The following CD58 variants were observed in gnomAD, a reference collection of about 807,000 sequenced individuals.
CD58 encodes the protein CD58 molecule.
Under a neutral mutation model 27.6 loss-of-function variants are expected in CD58, and 14 were observed. The observed-to-expected ratio is 0.51, with a 90% confidence interval of 0.34 to 0.79. The LOEUF is 0.79. Among genes scored for constraint, CD58 ranks in the 30% least tolerant of loss-of-function variants. The probability of loss-of-function intolerance (pLI) is 0.02; values close to 1 mark genes in which losing one functional copy is unlikely to be tolerated. For synonymous variants in CD58, 117 were observed against 103.8 expected, an observed-to-expected ratio of 1.13 and a Z score of -0.77; for missense variants, 268 against 301.7, an observed-to-expected ratio of 0.89 and a Z score of 0.83.
At chr1:116,530,003 T>C in intron 3 of CD58, among the ~76,000 whole-genome samples, 1 of 152,158 alleles carries the variant, frequency 6.6e-6, no homozygotes, top group East Asian at 1.9e-4. Flanking sequence ...ACTATGTATA[T>C]CTATATAGTA....
rs1657737335 is a variant in CD58, at chr1:116,534,820, G to C, written c.628+1145C>G. Among the ~76,000 whole-genome samples, 1 of 152,206 alleles carries C rather than the reference G, an allele frequency of 6.6e-6. No individual in the cohort carries two copies. The highest frequency in any genetic ancestry group is 2.1e-4 in the South Asian group (1 of 4,830). ...ATGGGAGACTTAGAATGGCTCACCA[G>C]TTAAAATCCAAGTTTCATATATTTC... On this transcript the variant is annotated intron_variant, in intron 3 of 5. Coordinates refer to ENST00000369489, the MANE Select transcript of CD58 (RefSeq NM_001779.3). This position sits in a 1 kb window ranked among gnomAD's most constrained non-coding sequence, Gnocchi z 5.3.
chr1:116,526,074 T>G (rs1571061114), intron 3 of CD58, among the ~76,000 whole-genome samples: 1 of 152,158 alleles, frequency 6.6e-6, no homozygotes, highest in Non-Finnish European at 1.5e-5. Flanking sequence ...TTTTAAAAGT[T>G]TTTTGTATAT....
rs1658589170 is a variant in CD58 at position 116,557,023 on chromosome 1, A to G, written c.71-12419T>C. Among the ~76,000 whole-genome samples, 1 of 152,264 alleles carries G rather than the reference A, an allele frequency of 6.6e-6. No homozygotes were observed. The highest frequency in any genetic ancestry group is 6.5e-5 in the Admixed American group (1 of 15,292). ...CAAATCTGAGCTTAGGGGTAACCCC[A>G]GCCAGGCTAGCCCTATCAGGACAAG... On this transcript the variant is annotated intron_variant, in intron 1 of 5. Transcript: ENST00000369489. This position sits in a 1 kb window ranked among gnomAD's most constrained non-coding sequence, Gnocchi z 5.2.
intron 1 of CD58, among the ~76,000 whole-genome samples, chr1:116,565,114 C>T (rs1400274640): frequency 1.3e-5 from 2 of 152,226 alleles, no homozygotes; most frequent in Admixed American, 6.5e-5. Context: ...CTTTTCTCTC[C>T]TCTACAGACT....
In CD58 at chr1:116,527,185, G is replaced by A. The variant is rs565255089; in HGVS notation, c.629-5202C>T. Reference sequence around the variant, plus strand: ...CTTTTATTTCCTTTTCTTGTCTTATGGCATTAGTTAGTGCTTATAGTACAA... The same window carrying A: ...CTTTTATTTCCTTTTCTTGTCTTATAGCATTAGTTAGTGCTTATAGTACAA... On this transcript the variant is annotated intron_variant, in intron 3 of 5. Transcript: ENST00000369489. The surrounding 1 kb of genome is among the most constrained non-coding windows in gnomAD (Gnocchi z 4.4). Among the ~76,000 whole-genome samples the A allele has an allele frequency of 2.0e-5, 3 of 152,074 alleles. No individual in the cohort carries two copies. Among genetic ancestry groups the A allele is most frequent in the African/African-American group, 7.2e-5 (3 of 41,476 alleles).
chr1:116,568,743 TG>T (rs1659027839), intron 1 of CD58, among the ~76,000 whole-genome samples: 1 of 152,232 alleles, frequency 6.6e-6, no homozygotes, highest in African/African-American at 2.4e-5. Context: ...TTCCCTCATG[TG>T]AGTGGTACTC....
intron 1 of CD58, among the ~76,000 whole-genome samples, chr1:116,560,777 A>G (rs998967944): frequency 6.6e-6 from 1 of 152,214 alleles, no homozygotes; most frequent in Non-Finnish European, 1.5e-5. Context: ...ATCTCCAAAG[A>G]GGAACTGCTA....
intron 2 of CD58, among the ~76,000 whole-genome samples, chr1:116,540,915 T>G (rs1403158087): frequency 6.6e-6 from 1 of 152,146 alleles, no homozygotes; most frequent in African/African-American, 2.4e-5. Flanking sequence ...GCTCAAGGGA[T>G]CCTCCCACCT....
At position 116,515,598 on chromosome 1, in the gene CD58, G is replaced by A. The variant is rs1290979898; in HGVS notation, c.744-776C>T. Among the ~76,000 whole-genome samples, 1 of 152,130 alleles carries A rather than the reference G, an allele frequency of 6.6e-6. No individual in the cohort carries two copies. The highest frequency in any genetic ancestry group is 2.4e-5 in the African/African-American group (1 of 41,426). On this transcript the variant is annotated intron_variant, in intron 5 of 5. Coordinates refer to ENST00000369489, the MANE Select transcript of CD58 (RefSeq NM_001779.3). This position sits in a 1 kb window ranked among gnomAD's most constrained non-coding sequence, Gnocchi z 4.6. ...TGGCAGGCACAGGATTCTTGTTGGGGCAGCTTTTTGCCGGTCTCTGCTTCC... is the reference window on the plus strand; with the variant it reads ...TGGCAGGCACAGGATTCTTGTTGGGACAGCTTTTTGCCGGTCTCTGCTTCC...
In CD58 at chr1:116,523,136, C is replaced by A. The variant is rs1181204038; in HGVS notation, c.629-1153G>T. ...CCTGGGGAAAATATCAATGATGTGC[C>A]CTTCTACTCCCCGCAAAAAGGCACA... is the stretch of plus-strand genomic sequence containing the variant. On this transcript the variant is annotated intron_variant, in intron 3 of 5. Coordinates refer to ENST00000369489, the MANE Select transcript of CD58 (RefSeq NM_001779.3). This position sits in a 1 kb window ranked among gnomAD's most constrained non-coding sequence, Gnocchi z 4.4. 6.6e-6 allele frequency among the ~76,000 whole-genome samples: 1 copy of A among 152,086 alleles called. No individual in the cohort carries two copies. The highest frequency in any genetic ancestry group is 2.4e-5 in the African/African-American group (1 of 41,396).
At chr1:116,542,506 T>G (rs1031949448) in intron 2 of CD58, among the ~76,000 whole-genome samples, 2 of 152,160 alleles carry the variant, frequency 1.3e-5, no homozygotes, top group African/African-American at 4.8e-5. Flanking sequence ...ATATAAGGGA[T>G]CAGAATAAGT....
At chr1:116,533,234 G>T in intron 3 of CD58, 1 of 832,702 alleles carries the variant, frequency 1.2e-6, no homozygotes, top group Non-Finnish European at 2.1e-6. Flanking sequence ...ATGACTCATT[G>T]GATACTTGTT....
chr1:116,552,608 C>T lies in CD58; in HGVS notation c.71-8004G>A, dbSNP rs969809507. Among the ~76,000 whole-genome samples, 1 of 152,154 alleles carries T rather than the reference C, an allele frequency of 6.6e-6. No homozygotes were observed. The highest frequency in any genetic ancestry group is 1.5e-5 in the Non-Finnish European group (1 of 68,030). On this transcript the variant is annotated intron_variant, in intron 1 of 5. Coordinates refer to ENST00000369489, the MANE Select transcript of CD58 (RefSeq NM_001779.3). The surrounding 1 kb of genome is among the most constrained non-coding windows in gnomAD (Gnocchi z 4.5). ...GTCTTATGCACACTTCTCTACATCC[C>T]GCCTTTCCATTAATATGTCATAAAA...
Position 116,552,085 on chromosome 1 carries a change from T to G in CD58, c.71-7481A>C, listed in dbSNP as rs182967688. ...TGCCTTCCTCACTAAGCTTAATCATTTCTAGTTTTTAATTTAAAGTGAGAG... is the reference window on the plus strand; with the variant it reads ...TGCCTTCCTCACTAAGCTTAATCATGTCTAGTTTTTAATTTAAAGTGAGAG... On this transcript the variant is annotated intron_variant, in intron 1 of 5. Coordinates refer to ENST00000369489, the MANE Select transcript of CD58 (RefSeq NM_001779.3). This position sits in a 1 kb window ranked among gnomAD's most constrained non-coding sequence, Gnocchi z 4.5. Among the ~76,000 whole-genome samples, 565 of 152,298 alleles carry G rather than the reference T, an allele frequency of 3.7e-3. 3 individuals carry two copies. Among genetic ancestry groups the G allele is most frequent in the South Asian group, 0.015 (72 of 4,824 alleles).
intron 1 of CD58, among the ~76,000 whole-genome samples, chr1:116,548,224 T>G (rs756363772): frequency 5.9e-5 from 9 of 152,382 alleles, no homozygotes; most frequent in South Asian, 2.1e-4. Flanking sequence ...ATACATAGTT[T>G]GTGAATATTT....
intron 3 of CD58, among the ~76,000 whole-genome samples, chr1:116,525,580 G>C (rs944561935): frequency 6.6e-6 from 1 of 152,180 alleles, no homozygotes; most frequent in Admixed American, 6.5e-5. Context: ...TGAATGGTAA[G>C]AGTACATACA....
Position 116,515,638 on chromosome 1 carries a change from C to G in CD58, c.744-816G>C, listed in dbSNP as rs1657055589. Among the ~76,000 whole-genome samples, 1 of 152,182 alleles carries G rather than the reference C, an allele frequency of 6.6e-6. No individual in the cohort carries two copies. On this transcript the variant is annotated intron_variant, in intron 5 of 5. Coordinates refer to ENST00000369489, the MANE Select transcript of CD58 (RefSeq NM_001779.3). This position sits in a 1 kb window ranked among gnomAD's most constrained non-coding sequence, Gnocchi z 4.6. ...TCTCTGCTTCCCTGCCCTCTCCCAG[C>G]AGTCTCCTCACCCACTACAAGGAAT... is the stretch of plus-strand genomic sequence containing the variant.
intron 2 of CD58, among the ~76,000 whole-genome samples, chr1:116,537,522 C>T (rs185361752): frequency 3.6e-4 from 55 of 152,286 alleles, no homozygotes; most frequent in African/African-American, 1.3e-3. Context: ...TTGGGCTGGA[C>T]CTGTTAATAG....
In CD58 at chr1:116,557,800, A is replaced by C. The variant is rs1658611710; in HGVS notation, c.70+13103T>G. 6.6e-6 allele frequency among the ~76,000 whole-genome samples: 1 copy of C among 151,968 alleles called. No individual in the cohort carries two copies. Among genetic ancestry groups the C allele is most frequent in the Admixed American group, 6.6e-5 (1 of 15,246 alleles). On this transcript the variant is annotated intron_variant, in intron 1 of 5. Coordinates refer to ENST00000369489, the MANE Select transcript of CD58 (RefSeq NM_001779.3). The surrounding 1 kb of genome is among the most constrained non-coding windows in gnomAD (Gnocchi z 5.2). ...GTGATCCTTCTGCCTCAGCCTCCCA[A>C]GTAGCTAGAACTACAGTTGCATGCC...
Sources: allele counts gnomAD v4.1 joint callset (sites outside exome capture counted in the v4.1 genomes callset), GRCh38; gene constraint gnomAD v4.1.1; non-coding constraint Gnocchi (gnomAD v3.1); transcripts MANE v1.5; gene names NCBI Gene and HGNC (gene_info 2026-07-23, HGNC 2026-07-21).